The following ARHGEF7 variants were observed in gnomAD, a reference collection of about 807,000 sequenced individuals.
The protein encoded by ARHGEF7 is Rho guanine nucleotide exchange factor 7, also known as PAK-interacting exchange factor beta.
Under a neutral mutation model 109.8 loss-of-function variants are expected in ARHGEF7, and 33 were observed. The ratio of observed to expected loss-of-function variants is 0.30; its 90% confidence interval spans 0.23 to 0.40. The LOEUF (loss-of-function observed/expected upper bound fraction) is 0.40, where lower values mean the gene tolerates loss of function less well. Ranked by LOEUF, ARHGEF7 falls within the 10% of genes least tolerant of loss-of-function variation. The probability of loss-of-function intolerance (pLI) is 1.00; values close to 1 mark genes in which losing one functional copy is unlikely to be tolerated. For synonymous variants in ARHGEF7, 458 were observed against 424.6 expected, an observed-to-expected ratio of 1.08 and a Z score of -0.97; for missense variants, 938 against 1,098.5, an observed-to-expected ratio of 0.85 and a Z score of 2.07.
rs546244881 is a variant in ARHGEF7, at chr13:111,262,461, A to T, written c.951-5087A>T. 1.4e-4 allele frequency among the ~76,000 whole-genome samples: 21 copies of T among 152,158 alleles called. 1 individual carries two copies. The South Asian group carries it at 4.4e-3, about 32-fold the overall frequency. ...CCACCCTGAGTGGGAGCAGGAGGCT[A>T]CTTGTGAAGTCTCATCTCTGAAGGC... On this transcript the variant is annotated intron_variant, in intron 8 of 21. Coordinates refer to ENST00000646102, the MANE Select transcript of ARHGEF7 (RefSeq NM_001354046.2).
At chr13:111,175,810 G>A (rs1267492251) in intron 2 of ARHGEF7, among the ~76,000 whole-genome samples, 2 of 152,194 alleles carry the variant, frequency 1.3e-5, no homozygotes, top group Non-Finnish European at 2.9e-5. Context: ...AATTTATAAA[G>A]GAGAAAGGTT....
At chr13:111,301,396 C>A in intron 20 of ARHGEF7, 82 bp from the exon 21 acceptor site, 2 of 1,162,808 alleles carry the variant, frequency 1.7e-6, no homozygotes, top group Non-Finnish European at 2.6e-6. Flanking sequence ...CTCTCAGCAT[C>A]GTAGTGTCTC....
At chr13:111,238,570 A>G (rs2087178218) in intron 6 of ARHGEF7, among the ~76,000 whole-genome samples, 1 of 152,202 alleles carries the variant, frequency 6.6e-6, no homozygotes, top group African/African-American at 2.4e-5. Context: ...TCATATAATT[A>G]AAAGAGACAG....
At chr13:111,247,658 T>G (rs1014794129) in intron 8 of ARHGEF7, among the ~76,000 whole-genome samples, 1 of 152,102 alleles carries the variant, frequency 6.6e-6, no homozygotes, top group Non-Finnish European at 1.5e-5. Context: ...CAGCTGCCTG[T>G]TGGTTAGACC....
intron 2 of ARHGEF7, among the ~76,000 whole-genome samples, chr13:111,201,335 C>T (rs555247627): frequency 6.6e-6 from 1 of 152,282 alleles, no homozygotes; most frequent in Non-Finnish European, 1.5e-5. Context: ...TTTTCCTAAA[C>T]AGTGCCAGCT....
intron 8 of ARHGEF7, among the ~76,000 whole-genome samples, chr13:111,259,394 C>A (rs2090839459): frequency 6.6e-6 from 1 of 152,128 alleles, no homozygotes; most frequent in South Asian, 2.1e-4. Context: ...CACACACACC[C>A]CTCTCTCTGT....
At chr13:111,175,258 C>T (rs1037419340) in intron 2 of ARHGEF7, among the ~76,000 whole-genome samples, 1 of 152,286 alleles carries the variant, frequency 6.6e-6, no homozygotes, top group African/African-American at 2.4e-5. Context: ...AGAGTCAAGG[C>T]CCACACTTGT....
At chr13:111,248,020 G>A (rs1305954473) in intron 8 of ARHGEF7, among the ~76,000 whole-genome samples, 4 of 152,092 alleles carry the variant, frequency 2.6e-5, no homozygotes, top group Non-Finnish European at 5.9e-5. Flanking sequence ...GAAAACTGAA[G>A]TTTCTATCTG....
rs754474972 is a variant in ARHGEF7 at position 111,265,584 on chromosome 13, T to A, written c.951-1964T>A. 4 of 456,652 alleles carry A rather than the reference T, an allele frequency of 8.8e-6. No individual in the cohort carries two copies. The East Asian group carries it at 2.1e-4, about 24-fold the overall frequency. The allele number at this position is 456,652 out of a possible 1,614,324, so 28.3% of individuals were successfully genotyped here. On this transcript the variant is annotated intron_variant, in intron 8 of 21. Coordinates refer to ENST00000646102, the MANE Select transcript of ARHGEF7 (RefSeq NM_001354046.2). The stretch of plus-strand genomic sequence containing the variant: ...CCGGGAAGTCCGGGGTCTGAGGTCC[T>A]GCCTGCAGGGTTGAAAGGCATGCCT...
chr13:111,186,062 G>A (rs2079227017), intron 2 of ARHGEF7, among the ~76,000 whole-genome samples: 1 of 151,972 alleles, frequency 6.6e-6, no homozygotes, highest in African/African-American at 2.4e-5. Flanking sequence ...GGTACGGGCT[G>A]TGTGGGCCAG....
chr13:111,122,097 C>T (rs997644578), intron 1 of ARHGEF7, among the ~76,000 whole-genome samples: 8 of 152,224 alleles, frequency 5.3e-5, no homozygotes, highest in East Asian at 1.9e-4. Context: ...GGGCTGGCAG[C>T]CTCTGCATCC....
intron 5 of ARHGEF7, among the ~76,000 whole-genome samples, chr13:111,225,172 G>A (rs775612583): frequency 5.9e-5 from 9 of 152,188 alleles, no homozygotes; most frequent in Non-Finnish European, 1.3e-4. Flanking sequence ...TCAGGAGCAC[G>A]TCCCATAGAC....
intron 13 of ARHGEF7, among the ~76,000 whole-genome samples, chr13:111,278,873 G>T (rs1399832503): frequency 6.6e-6 from 1 of 152,218 alleles, no homozygotes; most frequent in Non-Finnish European, 1.5e-5. Context: ...GTCTCTGCCT[G>T]TGTGGCTGGT....
Position 111,243,867 on chromosome 13 carries a change from T to G in ARHGEF7, c.760-5T>G. On this transcript the variant is annotated splice_polypyrimidine_tract_variant and splice_region_variant and intron_variant, in intron 6 of 21. Coordinates refer to ENST00000646102, the MANE Select transcript of ARHGEF7 (RefSeq NM_001354046.2). ...CAAATAACACTTATTCATCATTTAT[T>G]ATAGGTGCTACAGAATATTTTAGAA... is the stretch of plus-strand genomic sequence containing the variant. 1 of 1,562,198 alleles carries G rather than the reference T, an allele frequency of 6.4e-7. No homozygotes were observed. The highest frequency in any genetic ancestry group is 2.2e-5 in the East Asian group (1 of 44,584).
chr13:111,115,573 T>C lies in ARHGEF7; in HGVS notation c.47T>C (p.Val16Ala). 2.1e-6 allele frequency: 3 copies of C among 1,404,732 alleles called. No homozygotes were observed. Among genetic ancestry groups the C allele is most frequent in the Non-Finnish European group, 2.8e-6 (3 of 1,060,732 alleles). The allele number at this position is 1,404,732 out of a possible 1,614,324, so 87.0% of individuals were successfully genotyped here. A position where few individuals can be genotyped will look rare whatever the true frequency, so the allele number is the denominator to read the frequency against. Residue 16 changes from valine (V) to alanine (A), a missense_variant, in exon 1 of 22, where the codon GTG (valine) becomes GCG (alanine). Physicochemically the swap from Val to Ala is moderately conservative, Grantham distance 64. This residue lies in a region of ARHGEF7 where 165 missense variants were observed against 125.8 expected (regional missense o/e 1.31). Coordinates refer to ENST00000646102, the MANE Select transcript of ARHGEF7 (RefSeq NM_001354046.2). The part of the protein sequence containing the change: ...QTVTWLITLG[V>A]LESPKKTISD... ...GTTACGTGGCTCATCACTCTGGGGG[T>C]GCTGGAGTCGCCCAAAAAAACCATC...
chr13:111,117,407 C>T (rs1349125731), intron 1 of ARHGEF7, among the ~76,000 whole-genome samples: 1 of 152,190 alleles, frequency 6.6e-6, no homozygotes, highest in Non-Finnish European at 1.5e-5. Context: ...TCTAAAACTA[C>T]AGTCATCTGG....
chr13:111,251,006 T>C (rs2089680194), intron 8 of ARHGEF7, among the ~76,000 whole-genome samples: 1 of 152,208 alleles, frequency 6.6e-6, no homozygotes, highest in African/African-American at 2.4e-5. Context: ...ATTGACTAGA[T>C]CACTGGACAT....
At chr13:111,196,461 C>A (rs778246125) in intron 2 of ARHGEF7, among the ~76,000 whole-genome samples, 2 of 152,168 alleles carry the variant, frequency 1.3e-5, no homozygotes, top group African/African-American at 2.4e-5. Flanking sequence ...CAAGTGAGAT[C>A]GAAGGTTTGC....
intron 21 of ARHGEF7, among the ~76,000 whole-genome samples, chr13:111,301,796 G>T (rs886511266): frequency 6.6e-6 from 1 of 152,156 alleles, no homozygotes; most frequent in Non-Finnish European, 1.5e-5. Context: ...GGAGGCTGAG[G>T]CAGGAGAATT....
Sources: gnomAD v4.1 joint callset for allele counts (sites outside exome capture counted in the v4.1 genomes callset) on GRCh38, gnomAD v4.1.1 for gene constraint, gnomAD v4.1.1 regional missense constraint, MANE v1.5 for transcripts, NCBI Gene and HGNC (gene_info 2026-07-23, HGNC 2026-07-21) for gene names.